CACNA1E: variants seen among roughly 807,000 people sequenced by gnomAD.
CACNA1E encodes calcium voltage-gated channel subunit alpha1 E, also known as voltage-dependent R-type calcium channel subunit alpha-1E.
CACNA1E carries 40 observed loss-of-function variants against 259.2 expected under a neutral mutation model. The observed-to-expected ratio is 0.15, with a 90% CI of 0.12 to 0.20. The LOEUF is 0.20. Ranked by LOEUF, CACNA1E falls within the 10% of genes least tolerant of loss-of-function variation. The probability of loss-of-function intolerance (pLI) is 1.00; values close to 1 mark genes in which losing one functional copy is unlikely to be tolerated. For synonymous variants in CACNA1E, 1,104 were observed against 1,138.5 expected (o/e 0.97, Z 0.61); for missense variants, 1,874 against 3,040.1 (o/e 0.62, Z 9.02).
chr1:181,323,789 T>C (rs1483788978), intron 1 of CACNA1E, among the ~76,000 whole-genome samples: 2 of 152,228 alleles, frequency 1.3e-5, no homozygotes, highest in Non-Finnish European at 2.9e-5. Flanking sequence ...AGTGAGGGAT[T>C]CATAATGACA....
chr1:181,693,145 A>C (rs934303623), intron 7 of CACNA1E, among the ~76,000 whole-genome samples: 1 of 150,376 alleles, frequency 6.6e-6, no homozygotes, highest in Non-Finnish European at 1.5e-5. Context: ...AAAAAAAAAA[A>C]AAAAACAACA....
intron 3 of CACNA1E, among the ~76,000 whole-genome samples, chr1:181,512,725 C>T (rs1362429178): frequency 6.6e-6 from 1 of 152,134 alleles, no homozygotes; most frequent in African/African-American, 2.4e-5. Flanking sequence ...AAGCAGCCAG[C>T]CCCTCAATAT....
chr1:181,330,299 C>T (rs1296873446), intron 1 of CACNA1E, among the ~76,000 whole-genome samples: 1 of 152,162 alleles, frequency 6.6e-6, no homozygotes, highest in Non-Finnish European at 1.5e-5. Flanking sequence ...ACCACCACCC[C>T]TCCCTGCCAT....
intron 2 of CACNA1E, among the ~76,000 whole-genome samples, chr1:181,444,783 C>A (rs1279067650): frequency 1.3e-5 from 2 of 152,150 alleles, no homozygotes; most frequent in Non-Finnish European, 2.9e-5. Context: ...GAGCAGCCAG[C>A]AAGCTCAGGA....
At chr1:181,527,640 G>C (rs920356383) in intron 3 of CACNA1E, among the ~76,000 whole-genome samples, 2 of 152,086 alleles carry the variant, frequency 1.3e-5, no homozygotes, top group African/African-American at 4.8e-5. Context: ...TTTTCTCTCT[G>C]TATTCTTTTT....
intron 3 of CACNA1E, among the ~76,000 whole-genome samples, chr1:181,548,129 C>CTTTTTTTTTT (rs71571282): frequency 7.5e-6 from 1 of 133,384 alleles, no homozygotes. Context: ...CTTTTTTTTT[C>CTTTTTTTTTT]TTTTTTTTTT....
At chr1:181,577,156 G>A (rs1361848090) in intron 3 of CACNA1E, among the ~76,000 whole-genome samples, 3 of 152,198 alleles carry the variant, frequency 2.0e-5, no homozygotes, top group Non-Finnish European at 4.4e-5. Context: ...TTTGGCTGTG[G>A]AACATGGAAA....
At chr1:181,446,819 G>C (rs1288420954) in intron 2 of CACNA1E, among the ~76,000 whole-genome samples, 1 of 152,064 alleles carries the variant, frequency 6.6e-6, no homozygotes, top group Non-Finnish European at 1.5e-5. Flanking sequence ...TGGGGCTGTG[G>C]CACCTACTAG....
At position 181,364,727 on chromosome 1, in the gene CACNA1E, C is replaced by T. The variant is rs567223644; in HGVS notation, c.-15+46604C>T. On this transcript the variant is annotated intron_variant, in intron 1 of 11. Transcript: ENST00000524607. ...TTCCGAGTGGAGCAGCATGTTGAGG[C>T]GATATACAATACAGTGTGGTTCTGG... Among the ~76,000 whole-genome samples, 14 of 152,228 alleles carry T rather than the reference C, an allele frequency of 9.2e-5. No homozygotes were observed. The East Asian group carries it at 1.2e-3, about 13-fold the overall frequency.
chr1:181,586,611 C>A (rs1466706755), intron 6 of CACNA1E, among the ~76,000 whole-genome samples: 2 of 152,120 alleles, frequency 1.3e-5, no homozygotes, highest in Non-Finnish European at 2.9e-5. Flanking sequence ...AGTCAGTTCT[C>A]TGAAGAAGTG....
chr1:181,346,785 C>G (rs1044417796), intron 1 of CACNA1E, among the ~76,000 whole-genome samples: 1 of 152,134 alleles, frequency 6.6e-6, no homozygotes, highest in Non-Finnish European at 1.5e-5. Context: ...CAGGGAGGCA[C>G]CTGGCATCAA....
chr1:181,383,527 T>C (rs1005144495), intron 1 of CACNA1E, among the ~76,000 whole-genome samples: 1 of 152,194 alleles, frequency 6.6e-6, no homozygotes, highest in Non-Finnish European at 1.5e-5. Flanking sequence ...TAGAAAACTC[T>C]GACTGAGCAG....
chr1:181,716,312 A>AC (rs11404308), intron 10 of CACNA1E, among the ~76,000 whole-genome samples, 183 bp downstream of exon 10: 1 of 151,064 alleles, frequency 6.6e-6, no homozygotes, highest in Non-Finnish European at 1.5e-5. Flanking sequence ...AAAAAAAAAA[A>AC]GGACCTGGGG....
At chr1:181,796,931 G>A (rs189616516) in intron 47 of CACNA1E, 73 bp downstream of exon 47, 18 of 1,171,492 alleles carry the variant, frequency 1.5e-5, no homozygotes, top group Admixed American at 2.8e-5. Context: ...GATGCAAGTC[G>A]TGAGCATTTC....
chr1:181,793,690 G>A lies in CACNA1E; in HGVS notation c.5924G>A (p.Ser1975Asn). The A allele has an allele frequency of 6.2e-7, 1 of 1,610,452 alleles. No homozygotes were observed. Among genetic ancestry groups the A allele is most frequent in the Non-Finnish European group, 8.5e-7 (1 of 1,178,932 alleles). Residue 1975 changes from serine to asparagine, a missense_variant, in exon 45 of 48, where the codon AGC becomes AAC. By Grantham distance (46) the Ser-to-Asn change is conservative. This residue lies in a region of CACNA1E where 542 missense variants were observed against 587.2 expected (regional missense o/e 0.92). Transcript: ENST00000367573. ...SLEPEVSELK[S>N]VQPSNHGIYL... ...GAGCCAGAGGTTAGTGAATTAAAAAGCGTGCAGCCCTCTAACCATGGCATC... is the reference window on the plus strand; with the variant it reads ...GAGCCAGAGGTTAGTGAATTAAAAAACGTGCAGCCCTCTAACCATGGCATC...
At chr1:181,719,619 A>G in intron 12 of CACNA1E, 132 bp from the exon 13 acceptor site, 1 of 525,706 alleles carries the variant, frequency 1.9e-6, no homozygotes, top group East Asian at 3.0e-5. Context: ...TACTGAAGGT[A>G]GGGCTGGTGG....
chr1:181,524,485 G>A (rs2102692887), intron 3 of CACNA1E, among the ~76,000 whole-genome samples: 1 of 152,284 alleles, frequency 6.6e-6, no homozygotes, highest in South Asian at 2.1e-4. Context: ...AGGGCTAGAT[G>A]CTCTAACAAA....
At chr1:181,774,408 C>T (rs1227375286) in intron 37 of CACNA1E, among the ~76,000 whole-genome samples, 3 of 152,204 alleles carry the variant, frequency 2.0e-5, no homozygotes, top group South Asian at 2.1e-4. Flanking sequence ...GGATTAGGTT[C>T]GCCTGCATGA....
chr1:181,414,642 C>A (rs141293408), intron 2 of CACNA1E, among the ~76,000 whole-genome samples: 102 of 152,242 alleles, frequency 6.7e-4, no homozygotes, highest in African/African-American at 2.4e-3. Flanking sequence ...AAGTGCCAGG[C>A]AACATTCCAA....
Sources: gnomAD v4.1 joint callset for allele counts (sites outside exome capture counted in the v4.1 genomes callset) on GRCh38, gnomAD v4.1.1 for gene constraint, gnomAD v4.1.1 regional missense constraint, MANE v1.5 for transcripts, NCBI Gene and HGNC (gene_info 2026-07-23, HGNC 2026-07-21) for gene names.